The following ATXN1 variants were observed in gnomAD, a reference collection of about 807,000 sequenced individuals.
The protein encoded by ATXN1 is ataxin-1.
In ATXN1, 8 loss-of-function variants were observed where a neutral mutation model predicts 56.4. That is an observed-to-expected ratio of 0.14 (90% CI 0.08 to 0.26). The LOEUF (loss-of-function observed/expected upper bound fraction) is 0.26, where lower values mean the gene tolerates loss of function less well. Ranked by LOEUF, ATXN1 falls within the 10% of genes least tolerant of loss-of-function variation. The pLI is 1.00. For synonymous variants in ATXN1, 514 were observed against 494.6 expected (o/e 1.04, Z -0.52); for missense variants, 987 against 1,106.5 (o/e 0.89, Z 1.53).
chr6:16,594,946 G>C (rs901121321), intron 3 of ATXN1, among the ~76,000 whole-genome samples: 12 of 152,216 alleles, frequency 7.9e-5, no homozygotes, highest in African/African-American at 2.9e-4. Context: ...TAATGACTTA[G>C]ATTGGACTGA....
At chr6:16,342,999 T>C (rs1024996874) in intron 6 of ATXN1, among the ~76,000 whole-genome samples, 6 of 152,286 alleles carry the variant, frequency 3.9e-5, no homozygotes, top group African/African-American at 1.4e-4. Flanking sequence ...ATGATTAAGA[T>C]GGTAAATTTC....
intron 5 of ATXN1, among the ~76,000 whole-genome samples, chr6:16,511,152 AGACTTGATAT>A (rs914083990): frequency 2.6e-5 from 4 of 152,154 alleles, no homozygotes; most frequent in Admixed American, 6.5e-5. Context: ...AAGAAAATAC[AGACTTGATAT>A]GACACATACT....
chr6:16,486,087 T>C lies in ATXN1; in HGVS notation c.-276A>G, dbSNP rs991012542. 6.6e-6 allele frequency: 1 copy of C among 152,162 alleles called. No individual in the cohort carries two copies. The highest frequency in any genetic ancestry group is 1.5e-5 in the Non-Finnish European group (1 of 68,042). 9.4% of individuals were successfully genotyped at this position (152,162 alleles called of 1,614,324 possible). A position where few individuals can be genotyped will look rare whatever the true frequency, so the allele number is the denominator to read the frequency against. ...TGGGCTCAGGCGTGTTCTTTCTTCC[T>C]TTCACAGAGAAGTGAGAAATACCTA... is the stretch of plus-strand genomic sequence containing the variant. On this transcript the variant is annotated 5_prime_UTR_variant, in exon 6 of 8. Coordinates refer to ENST00000436367, the MANE Select transcript of ATXN1 (RefSeq NM_001128164.2).
chr6:16,594,029 T>C (rs1047115885), intron 3 of ATXN1, among the ~76,000 whole-genome samples: 2 of 148,958 alleles, frequency 1.3e-5, no homozygotes, highest in South Asian at 2.1e-4. Flanking sequence ...ATATACATAT[T>C]AGTCAAATTA....
At chr6:16,479,293 T>C (rs1159417990) in intron 6 of ATXN1, among the ~76,000 whole-genome samples, 1 of 152,210 alleles carries the variant, frequency 6.6e-6, no homozygotes, top group Admixed American at 6.5e-5. Context: ...AATCATTTTA[T>C]ACTTGTCAAA....
At chr6:16,399,924 C>G (rs1395797989) in intron 6 of ATXN1, among the ~76,000 whole-genome samples, 1 of 152,178 alleles carries the variant, frequency 6.6e-6, no homozygotes, top group African/African-American at 2.4e-5. Flanking sequence ...TGCCTGGGCT[C>G]CTGGAGGACA....
intron 4 of ATXN1, among the ~76,000 whole-genome samples, chr6:16,584,639 C>A (rs949590683): frequency 1.3e-5 from 2 of 148,334 alleles, no homozygotes; most frequent in Admixed American, 6.7e-5. Context: ...AATGACCCCC[C>A]CCACCCCCAA....
At chr6:16,562,712 T>C (rs1391714145) in intron 4 of ATXN1, among the ~76,000 whole-genome samples, 1 of 151,916 alleles carries the variant, frequency 6.6e-6, no homozygotes, top group Non-Finnish European at 1.5e-5. Flanking sequence ...TGACTAAGAC[T>C]TCAGTGGGTG....
At chr6:16,387,271 A>G (rs1001472587) in intron 6 of ATXN1, among the ~76,000 whole-genome samples, 5 of 152,176 alleles carry the variant, frequency 3.3e-5, no homozygotes, top group Non-Finnish European at 7.3e-5. Flanking sequence ...CCTCCTCATT[A>G]AATTGCCATT....
chr6:16,703,311 C>T (rs955601446), intron 2 of ATXN1, among the ~76,000 whole-genome samples: 4 of 152,006 alleles, frequency 2.6e-5, no homozygotes, highest in East Asian at 3.9e-4. Context: ...AAGGGGAACA[C>T]CACACCCCAG....
intron 3 of ATXN1, among the ~76,000 whole-genome samples, chr6:16,609,278 T>G (rs998413482): frequency 3.3e-5 from 5 of 152,136 alleles, no homozygotes; most frequent in African/African-American, 1.2e-4. Flanking sequence ...CGGAAGGCAC[T>G]AAGAAGAGAA....
At chr6:16,566,998 C>T (rs1762243363) in intron 4 of ATXN1, among the ~76,000 whole-genome samples, 1 of 152,222 alleles carries the variant, frequency 6.6e-6, no homozygotes, top group Admixed American at 6.5e-5. Context: ...ACAACCTGAG[C>T]ATATTTAATT....
intron 3 of ATXN1, among the ~76,000 whole-genome samples, chr6:16,656,108 A>C (rs1284350641): frequency 6.6e-6 from 1 of 151,942 alleles, no homozygotes; most frequent in Non-Finnish European, 1.5e-5. Context: ...AAAAACAAAA[A>C]AATTATTTAC....
chr6:16,727,535 GATC>G (rs1759876910), intron 2 of ATXN1, among the ~76,000 whole-genome samples: 1 of 152,004 alleles, frequency 6.6e-6, no homozygotes, highest in South Asian at 2.1e-4. Flanking sequence ...ATTTCAAAAT[GATC>G]ATCAAATTAC....
chr6:16,514,769 G>C (rs1196985043), intron 5 of ATXN1, among the ~76,000 whole-genome samples: 1 of 151,944 alleles, frequency 6.6e-6, no homozygotes, highest in Non-Finnish European at 1.5e-5. Flanking sequence ...AGATCACGAG[G>C]TCAAGAGATC....
intron 3 of ATXN1, among the ~76,000 whole-genome samples, chr6:16,600,845 G>A (rs956203811): frequency 1.3e-5 from 2 of 152,126 alleles, no homozygotes; most frequent in East Asian, 1.9e-4. Flanking sequence ...CATTTACCTC[G>A]CTGGGGTAAG....
chr6:16,391,527 T>C (rs915430470), intron 6 of ATXN1, among the ~76,000 whole-genome samples: 2 of 152,238 alleles, frequency 1.3e-5, no homozygotes, highest in Non-Finnish European at 2.9e-5. Context: ...AAAAATAACA[T>C]GTTTCTCTGT....
chr6:16,634,400 G>A (rs1341458327), intron 3 of ATXN1, among the ~76,000 whole-genome samples: 1 of 151,938 alleles, frequency 6.6e-6, no homozygotes, highest in Non-Finnish European at 1.5e-5. Context: ...TTGTTTCTGA[G>A]AATTAAACAT....
chr6:16,322,119 G>A (rs1760668646), intron 7 of ATXN1, among the ~76,000 whole-genome samples: 1 of 152,148 alleles, frequency 6.6e-6, no homozygotes, highest in Non-Finnish European at 1.5e-5. Context: ...AGCTACTGGG[G>A]AGGCTGAGGT....
Sources: gnomAD v4.1 joint callset for allele counts (sites outside exome capture counted in the v4.1 genomes callset) on GRCh38, gnomAD v4.1.1 for gene constraint, MANE v1.5 for transcripts, NCBI Gene and HGNC (gene_info 2026-07-23, HGNC 2026-07-21) for gene names.